The following KSR1 variants were observed in gnomAD, a reference collection of about 807,000 sequenced individuals.
The protein encoded by KSR1 is kinase suppressor of ras.
Under a neutral mutation model 92.9 loss-of-function variants are expected in KSR1, and 35 were observed. The ratio of observed to expected loss-of-function variants is 0.38; its 90% confidence interval spans 0.29 to 0.50. The LOEUF (loss-of-function observed/expected upper bound fraction) is 0.50, where lower values mean the gene tolerates loss of function less well. KSR1 is among the 20% of genes least tolerant of loss of function. KSR1 has a pLI of 0.94. For synonymous variants in KSR1, 467 were observed against 472.6 expected (o/e 0.99, Z 0.15); for missense variants, 972 against 1,158.5 (o/e 0.84, Z 2.34).
At chr17:27,501,279 A>ATTTTT (rs1555570836) in intron 1 of KSR1, among the ~76,000 whole-genome samples, 1 of 70,356 alleles carries the variant, frequency 1.4e-5, no homozygotes, top group Non-Finnish European at 3.0e-5. Context: ...TTTTTTTTTT[A>ATTTTT]ATTTCTTTTC....
At chr17:27,512,286 C>T (rs562147705) in intron 1 of KSR1, among the ~76,000 whole-genome samples, 1 of 152,142 alleles carries the variant, frequency 6.6e-6, no homozygotes, top group Non-Finnish European at 1.5e-5. Context: ...TGAATATACT[C>T]GAAGCATCCA....
chr17:27,598,115 C>G (rs554391257), intron 10 of KSR1, among the ~76,000 whole-genome samples: 1 of 152,294 alleles, frequency 6.6e-6, no homozygotes, highest in African/African-American at 2.4e-5. Flanking sequence ...CTGGGGGTGT[C>G]TGCCTCTCCA....
In KSR1 at chr17:27,462,478, G is replaced by A. The variant is rs1461511604; in HGVS notation, c.231+5604G>A. ...TGTGCAGCCTCAGGGTTCGGGCATG[G>A]GTCTGCTTCCCTAATGTCCAGGCTA... On this transcript the variant is annotated intron_variant, in intron 1 of 20. Transcript: ENST00000644974. 1.2e-4 allele frequency among the ~76,000 whole-genome samples: 19 copies of A among 152,168 alleles called. 2 individuals are homozygous for A. The highest frequency in any genetic ancestry group is 1.2e-3 in the Admixed American group (19 of 15,280).
intron 1 of KSR1, among the ~76,000 whole-genome samples, chr17:27,532,996 T>A (rs1035199890): frequency 6.6e-6 from 1 of 152,228 alleles, no homozygotes; most frequent in East Asian, 1.9e-4. Flanking sequence ...TTCCTGACCC[T>A]CTGAGTCCTT....
At chr17:27,610,276 G>C (rs1466124322) in intron 17 of KSR1, 78 bp downstream of exon 17, 2 of 1,592,528 alleles carry the variant, frequency 1.3e-6, no homozygotes, top group African/African-American at 2.7e-5. Flanking sequence ...GCAGAGGGAG[G>C]CATGCTTTTA....
At chr17:27,551,941 A>T (rs2071411781) in intron 2 of KSR1, among the ~76,000 whole-genome samples, 1 of 152,118 alleles carries the variant, frequency 6.6e-6, no homozygotes, top group Admixed American at 6.5e-5. Flanking sequence ...TTCCTTCAGG[A>T]TAAACGCCAG....
At chr17:27,531,654 G>A (rs2070544203) in intron 1 of KSR1, among the ~76,000 whole-genome samples, 1 of 152,168 alleles carries the variant, frequency 6.6e-6, no homozygotes, top group African/African-American at 2.4e-5. Context: ...GCATGCTGTT[G>A]AGCTCCAGAG....
chr17:27,506,662 T>C (rs2069393812), intron 1 of KSR1, among the ~76,000 whole-genome samples: 1 of 151,936 alleles, frequency 6.6e-6, no homozygotes, highest in Non-Finnish European at 1.5e-5. Flanking sequence ...AGCCTTTATC[T>C]CCCATCTCCC....
chr17:27,457,711 C>T (rs980253136), intron 1 of KSR1, among the ~76,000 whole-genome samples: 3 of 152,174 alleles, frequency 2.0e-5, no homozygotes, highest in Non-Finnish European at 4.4e-5. Context: ...GGCACCCTGT[C>T]CATACACAAA....
At chr17:27,496,636 T>G (rs1425980284) in intron 1 of KSR1, among the ~76,000 whole-genome samples, 1 of 152,016 alleles carries the variant, frequency 6.6e-6, no homozygotes, top group Non-Finnish European at 1.5e-5. Context: ...CTGTGGGAAA[T>G]TTGCATGTGC....
At chr17:27,609,110 A>T in intron 15 of KSR1, 86 bp from the exon 16 acceptor site, 3 of 1,430,672 alleles carry the variant, frequency 2.1e-6, no homozygotes, top group Non-Finnish European at 2.9e-6. Context: ...TGAAGATCAA[A>T]TATGGGGATT....
chr17:27,509,641 G>A (rs1387479788), intron 1 of KSR1, among the ~76,000 whole-genome samples: 2 of 146,490 alleles, frequency 1.4e-5, no homozygotes, highest in African/African-American at 5.1e-5. Context: ...GGGCTACACA[G>A]GGAGAGTTTG....
chr17:27,619,866 C>T (rs2074174099), intron 19 of KSR1, among the ~76,000 whole-genome samples: 1 of 152,160 alleles, frequency 6.6e-6, no homozygotes, highest in African/African-American at 2.4e-5. Flanking sequence ...GTGCCTGCCA[C>T]CACACCTGGC....
chr17:27,582,102 G>T (rs896097756), intron 3 of KSR1, among the ~76,000 whole-genome samples: 2 of 152,070 alleles, frequency 1.3e-5, no homozygotes, highest in Non-Finnish European at 2.9e-5. Context: ...CACTTTTGGG[G>T]TGGGTTTCCT....
At chr17:27,476,188 C>T (rs73271906) in intron 1 of KSR1, among the ~76,000 whole-genome samples, 10,641 of 152,242 alleles carry the variant, frequency 0.07, 482 homozygotes, top group South Asian at 0.16. Flanking sequence ...GATTCTTGAG[C>T]CCCCACCCCT....
intron 1 of KSR1, among the ~76,000 whole-genome samples, chr17:27,488,112 G>A (rs943794439): frequency 2.0e-5 from 3 of 152,194 alleles, no homozygotes; most frequent in Non-Finnish European, 4.4e-5. Flanking sequence ...TTTTGTGCAT[G>A]TGCACCCATA....
intron 13 of KSR1, 72 bp downstream of exon 13, chr17:27,604,800 G>C: frequency 6.7e-7 from 1 of 1,486,418 alleles, no homozygotes; most frequent in East Asian, 2.3e-5. Flanking sequence ...GAATGCGCAG[G>C]GGGCTTGAGG....
chr17:27,626,077 T>G lies in KSR1; in HGVS notation c.*2685T>G, dbSNP rs2151282840. On this transcript the variant is annotated 3_prime_UTR_variant, in exon 21 of 21. Transcript: ENST00000644974. ...AGAGGAATGGCAAGCCCTGGAAACC[T>G]GTGTTATTCTGTGTTGATTTGGTGT... is the stretch of plus-strand genomic sequence containing the variant. The G allele has an allele frequency of 6.6e-6, 1 of 152,298 alleles. No homozygotes were observed. Among genetic ancestry groups the G allele is most frequent in the East Asian group, 1.9e-4 (1 of 5,174 alleles). 9.4% of individuals were successfully genotyped at this position (152,298 alleles called of 1,614,324 possible). A position where few individuals can be genotyped will look rare whatever the true frequency, so the allele number is the denominator to read the frequency against.
intron 4 of KSR1, 63 bp downstream of exon 4, chr17:27,583,168 T>A: frequency 8.5e-7 from 1 of 1,170,194 alleles, no homozygotes; most frequent in East Asian, 2.6e-5. Context: ...CATAAAGATA[T>A]ATGGAAGGAC....
Sources: gnomAD v4.1 joint callset for allele counts (sites outside exome capture counted in the v4.1 genomes callset) on GRCh38, gnomAD v4.1.1 for gene constraint, MANE v1.5 for transcripts, NCBI Gene and HGNC (gene_info 2026-07-23, HGNC 2026-07-21) for gene names.